Variants in CTNNA2 observed in about 807,000 individuals in gnomAD.
CTNNA2 encodes catenin alpha 2, also known as catenin alpha-2.
CTNNA2 carries 42 observed loss-of-function variants against 101.0 expected under a neutral mutation model. The ratio of observed to expected loss-of-function variants is 0.42; its 90% confidence interval spans 0.32 to 0.54. The LOEUF is 0.54. Among genes scored for constraint, CTNNA2 ranks in the 20% least tolerant of loss-of-function variants. The pLI is 0.14. For synonymous variants in CTNNA2, 450 were observed against 456.4 expected (o/e 0.99, Z 0.18); for missense variants, 871 against 1,223.1 (o/e 0.71, Z 4.29).
intron 3 of CTNNA2, among the ~76,000 whole-genome samples, chr2:79,319,298 A>G (rs1264800892): frequency 1.3e-5 from 2 of 152,190 alleles, no homozygotes; most frequent in East Asian, 3.9e-4. Flanking sequence ...CAGAAAGGAA[A>G]GAGTATGAGT....
At chr2:79,541,318 A>C (rs1369321241) in intron 1 of CTNNA2, among the ~76,000 whole-genome samples, 1 of 116,668 alleles carries the variant, frequency 8.6e-6, no homozygotes, top group Non-Finnish European at 1.9e-5. Flanking sequence ...ATATGTACAC[A>C]CAGATATCCT....
At chr2:79,506,527 A>G (rs1386432608) in intron 5 of CTNNA2, among the ~76,000 whole-genome samples, 1 of 152,112 alleles carries the variant, frequency 6.6e-6, no homozygotes, top group Non-Finnish European at 1.5e-5. Context: ...AGAACCTCAA[A>G]ATTAGAGGTA....
At chr2:79,554,619 T>G (rs2566539) in intron 1 of CTNNA2, among the ~76,000 whole-genome samples, 101,232 of 151,930 alleles carry the variant, frequency 0.67, 33,814 homozygotes, top group East Asian at 0.71. Context: ...CTGTTAGATT[T>G]TCAAGGTTCC....
intron 7 of CTNNA2, among the ~76,000 whole-genome samples, chr2:79,944,575 A>G (rs1190232912): frequency 2.6e-5 from 4 of 152,194 alleles, no homozygotes; most frequent in Non-Finnish European, 4.4e-5. Context: ...ACCACAAAGT[A>G]CAGTGCAGTG....
At chr2:79,670,072 C>T (rs1682722797) in intron 2 of CTNNA2, among the ~76,000 whole-genome samples, 1 of 152,174 alleles carries the variant, frequency 6.6e-6, no homozygotes, top group South Asian at 2.1e-4. Context: ...GGGATACTTC[C>T]TGGGGCCCCC....
chr2:79,697,372 A>T (rs77794825), intron 2 of CTNNA2, among the ~76,000 whole-genome samples: 1 of 152,034 alleles, frequency 6.6e-6, no homozygotes, highest in Non-Finnish European at 1.5e-5. Flanking sequence ...ATACACCCAC[A>T]TGTTCTTCTG....
chr2:80,402,086 T>C (rs1268882224), intron 8 of CTNNA2, among the ~76,000 whole-genome samples: 1 of 152,158 alleles, frequency 6.6e-6, no homozygotes, highest in African/African-American at 2.4e-5. Context: ...TATCCCTCCC[T>C]CAGGTCCACC....
intron 3 of CTNNA2, among the ~76,000 whole-genome samples, chr2:79,333,621 T>C (rs1676927111): frequency 6.6e-6 from 1 of 152,144 alleles, no homozygotes; most frequent in Non-Finnish European, 1.5e-5. Context: ...AGACCCATAA[T>C]ATTTTTCCTA....
chr2:80,443,487 G>T (rs1229545132), intron 9 of CTNNA2, among the ~76,000 whole-genome samples: 1 of 152,110 alleles, frequency 6.6e-6, no homozygotes, highest in African/African-American at 2.4e-5. Flanking sequence ...TTTCCTTGGG[G>T]GAGACAAAGC....
chr2:79,525,650 G>C (rs1672362749), intron 1 of CTNNA2, among the ~76,000 whole-genome samples: 1 of 151,932 alleles, frequency 6.6e-6, no homozygotes, highest in African/African-American at 2.4e-5. Context: ...AGCTTAAATA[G>C]ATGATATAAT....
chr2:79,693,108 G>C (rs1355002988), intron 2 of CTNNA2, among the ~76,000 whole-genome samples: 2 of 151,884 alleles, frequency 1.3e-5, no homozygotes, highest in African/African-American at 4.8e-5. Context: ...AGAAAATTTA[G>C]ACATAAAGAG....
intron 12 of CTNNA2, among the ~76,000 whole-genome samples, chr2:80,562,969 T>A (rs1693739379): frequency 6.6e-6 from 1 of 151,140 alleles, no homozygotes; most frequent in Admixed American, 6.6e-5. Context: ...CACAACTGCA[T>A]GTGTGTATAG....
chr2:79,722,451 A>C (rs1020833675), intron 2 of CTNNA2, among the ~76,000 whole-genome samples: 1 of 152,144 alleles, frequency 6.6e-6, no homozygotes, highest in African/African-American at 2.4e-5. Context: ...AGGAAGTGTT[A>C]ACCTGGGGTC....
At chr2:79,238,124 T>A (rs1674580175) in intron 2 of CTNNA2, among the ~76,000 whole-genome samples, 1 of 152,182 alleles carries the variant, frequency 6.6e-6, no homozygotes. Flanking sequence ...AAGTGAGAAA[T>A]CTGTGACTCT....
At chr2:80,375,878 T>C (rs982629312) in intron 7 of CTNNA2, among the ~76,000 whole-genome samples, 2 of 152,222 alleles carry the variant, frequency 1.3e-5, no homozygotes, top group South Asian at 2.1e-4. Context: ...GTCAGACTTA[T>C]AGCTGGTTTT....
At chr2:79,670,730 T>C (rs1355657232) in intron 2 of CTNNA2, among the ~76,000 whole-genome samples, 3 of 152,312 alleles carry the variant, frequency 2.0e-5, no homozygotes, top group Admixed American at 6.5e-5. Flanking sequence ...CTGGATAATT[T>C]GAGTTTGGTT....
In CTNNA2 at chr2:79,762,841, T is replaced by C. The variant is rs368771779; in HGVS notation, c.298+18259T>C. 1.2e-3 allele frequency among the ~76,000 whole-genome samples: 185 copies of C among 152,272 alleles called. No individual in the cohort carries two copies. The Middle Eastern group carries it at 0.017, about 14-fold the overall frequency. On this transcript the variant is annotated intron_variant, in intron 3 of 18. Coordinates refer to ENST00000402739, the MANE Select transcript of CTNNA2 (RefSeq NM_001282597.3). ...TTAGTTCTGTAAAGTTCTCATGAGG[T>C]TTAGTTTTTCATATCTCATGCATTT...
intron 3 of CTNNA2, among the ~76,000 whole-genome samples, chr2:79,364,642 A>G (rs1324020286): frequency 6.6e-6 from 1 of 152,172 alleles, no homozygotes; most frequent in Non-Finnish European, 1.5e-5. Flanking sequence ...AATAAAGTCT[A>G]AAGTAAAAAT....
intron 9 of CTNNA2, among the ~76,000 whole-genome samples, chr2:80,444,561 C>T (rs560816703): frequency 9.9e-5 from 15 of 152,208 alleles, no homozygotes; most frequent in East Asian, 9.7e-4. Context: ...AATTGTACCC[C>T]GCTCCCATCT....
Sources: allele counts gnomAD v4.1 joint callset (sites outside exome capture counted in the v4.1 genomes callset), GRCh38; gene constraint gnomAD v4.1.1; transcripts MANE v1.5; gene names NCBI Gene and HGNC (gene_info 2026-07-23, HGNC 2026-07-21).